PIEZO1: variants seen among roughly 807,000 people sequenced by gnomAD.
PIEZO1 encodes the protein piezo type mechanosensitive ion channel component 1 (Er blood group).
Under a neutral mutation model 297.2 loss-of-function variants are expected in PIEZO1, and 296 were observed. That is an observed-to-expected ratio of 1.00 (90% CI 0.91 to 1.10). The LOEUF is 1.10. Ranked by LOEUF, PIEZO1 falls within the 50% of genes least tolerant of loss-of-function variation. The pLI is 0.00. For synonymous variants in PIEZO1, 2,427 were observed against 1,507.5 expected (o/e 1.61, Z -14.13); for missense variants, 5,018 against 3,455.5 (o/e 1.45, Z -11.34).
At chr16:88,737,516 C>CG in intron 10 of PIEZO1, 43 bp downstream of exon 10, 1 of 1,289,000 alleles carries the variant, frequency 7.8e-7, no homozygotes, top group South Asian at 1.3e-5. Flanking sequence ...GCCTCCGCCC[C>CG]GCCCCCCGCA....
chr16:88,758,858 T>C (rs1178546742), intron 1 of PIEZO1, among the ~76,000 whole-genome samples: 1 of 152,202 alleles, frequency 6.6e-6, no homozygotes, highest in Non-Finnish European at 1.5e-5. Context: ...AGAGCAAACA[T>C]GCACCAATCC....
In PIEZO1 at chr16:88,725,735, A is replaced by G. The variant is rs904262819; in HGVS notation, c.3969-51T>C. 9.4e-6 allele frequency: 9 copies of G among 961,014 alleles called. No individual in the cohort carries two copies. The African/African-American group carries it at 1.1e-4, about 12-fold the overall frequency. The allele number at this position is 961,014 out of a possible 1,614,324, so 59.5% of individuals were successfully genotyped here. A position where few individuals can be genotyped will look rare whatever the true frequency, so the allele number is the denominator to read the frequency against. ...GAGCACCAGGCACTCGACCCCAGCA[A>G]CATGGGCAGCCGCCGCTCCCCGCTC... On this transcript the variant is annotated intron_variant, in intron 27 of 50. Coordinates refer to ENST00000301015, the MANE Select transcript of PIEZO1 (RefSeq NM_001142864.4).
chr16:88,742,778 G>A (rs568920556), intron 2 of PIEZO1: 35 of 344,938 alleles, frequency 1.0e-4, no homozygotes, highest in South Asian at 4.7e-4. Context: ...ATAGACACAA[G>A]GAGAGGCAAG....
At chr16:88,756,698 G>C (rs1480208175) in intron 1 of PIEZO1, among the ~76,000 whole-genome samples, 1 of 151,896 alleles carries the variant, frequency 6.6e-6, no homozygotes, top group Non-Finnish European at 1.5e-5. Flanking sequence ...AACCTGGGAG[G>C]TGGAGGTTGC....
chr16:88,721,493 G>C (rs1912449531), intron 38 of PIEZO1, 45 bp downstream of exon 38: 1 of 1,538,960 alleles, frequency 6.5e-7, no homozygotes, highest in African/African-American at 1.4e-5. Flanking sequence ...CAGGTGCCCA[G>C]AGGGCCTGCC....
At chr16:88,757,319 C>CGGGGG (rs1221139366) in intron 1 of PIEZO1, among the ~76,000 whole-genome samples, 8 of 10,162 alleles carry the variant, frequency 7.9e-4, no homozygotes, top group South Asian at 2.9e-3. Context: ...GCGTTGCTGG[C>CGGGGG]GGGGGGGTGG....
chr16:88,726,789 G>A lies in PIEZO1; in HGVS notation c.3625C>T (p.Arg1209Trp), dbSNP rs750479923. 136 of 1,550,140 alleles carry A rather than the reference G, an allele frequency of 8.8e-5. No individual in the cohort carries two copies. Among genetic ancestry groups the A allele is most frequent in the Middle Eastern group, 1.7e-4 (1 of 6,014 alleles). The change falls in exon 25 of 51, where the codon CGG (arginine) becomes TGG (tryptophan). Residue 1209 changes from arginine to tryptophan, a missense_variant. Coordinates refer to ENST00000301015, the MANE Select transcript of PIEZO1 (RefSeq NM_001142864.4). ...FGTALLQRDT[R>W]ARLVLWDCLI... is the part of the protein sequence containing the mutation. ...CAGTCCCACAGCACGAGGCGGGCCC[G>A]TGTGTCCCTCTGCAGCAGGGCCGTG... is the stretch of plus-strand genomic sequence containing the variant.
In PIEZO1 at chr16:88,737,624, T is replaced by TCGGGTGCTGTGGGCAC. The variant is rs2142831616; in HGVS notation, c.1114_1129dup (p.Asp377GlyfsTer10). On this transcript the variant is annotated frameshift_variant, in exon 10 of 51. Transcript: ENST00000301015. LOFTEE classifies it high-confidence loss of function. Reference sequence around the variant, plus strand: ...CACGATGCAGTTATCAGCCTCGGTGTCGGGTGCTGTGGGCACCACGTGCTG... The same window carrying TCGGGTGCTGTGGGCAC: ...CACGATGCAGTTATCAGCCTCGGTGTCGGGTGCTGTGGGCACCGGGTGCTGTGGGCACCACGTGCTG... 6.5e-7 allele frequency: 1 copy of TCGGGTGCTGTGGGCAC among 1,534,876 alleles called. No homozygotes were observed. Among genetic ancestry groups the TCGGGTGCTGTGGGCAC allele is most frequent in the Non-Finnish European group, 8.7e-7 (1 of 1,146,536 alleles).
chr16:88,734,911 G>A lies in PIEZO1; in HGVS notation c.1812C>T (p.Tyr604=). The A allele has an allele frequency of 1.9e-6, 3 of 1,550,410 alleles. No homozygotes were observed. Among genetic ancestry groups the A allele is most frequent in the Non-Finnish European group, 2.6e-6 (3 of 1,146,966 alleles). The change falls in exon 14 of 51, where the codon TAC becomes TAT. Residue 604 remains tyrosine, a synonymous_variant. Transcript: ENST00000301015. ...TGAGGCAGAGCAGGAAGAGGAACAT[G>A]TAGACAATCTTGTAGACCACGAGGC... ...AGRLVVYKIV[Y]MFLFLLCLTL... is the part of the protein sequence containing the mutation.
Position 88,723,315 on chromosome 16 carries a change from G to A in PIEZO1, c.4349C>T (p.Ala1450Val), listed in dbSNP as rs924179143. 43 of 1,538,524 alleles carry A rather than the reference G, an allele frequency of 2.8e-5. No homozygotes were observed. The highest frequency in any genetic ancestry group is 3.7e-5 in the Non-Finnish European group (42 of 1,146,722). Residue 1450 changes from alanine to valine, a missense_variant, in exon 32 of 51, where the codon GCA becomes GTA. By Grantham distance (64) the Ala-to-Val change is moderately conservative. Transcript: ENST00000301015. ...CACCGCCTGGGCGTTGGTCACCCATGCCTGGTACGCCAGCTGTCGGCCAGC... is the reference window on the plus strand; with the variant it reads ...CACCGCCTGGGCGTTGGTCACCCATACCTGGTACGCCAGCTGTCGGCCAGC... ...AQSAFQLAYQ[A>V]WVTNAQAVLR...
intron 1 of PIEZO1, among the ~76,000 whole-genome samples, chr16:88,774,332 G>A (rs371384855): frequency 6.6e-6 from 1 of 152,220 alleles, no homozygotes; most frequent in African/African-American, 2.4e-5. Context: ...CGGAGTTTGC[G>A]ATGAGTCGAG....
Position 88,734,020 on chromosome 16 carries a change from C to T in PIEZO1, c.2215G>A (p.Glu739Lys). 1.3e-6 allele frequency: 2 copies of T among 1,545,674 alleles called. No homozygotes were observed. Among genetic ancestry groups the T allele is most frequent in the Middle Eastern group, 1.7e-4 (1 of 5,964 alleles). Residue 739 changes from glutamate (E) to lysine (K), a missense_variant, in exon 17 of 51, where the codon GAG (glutamate) becomes AAG (lysine). Coordinates refer to ENST00000301015, the MANE Select transcript of PIEZO1 (RefSeq NM_001142864.4). ...TGCTGCTGATGCTCCTGCTGCTCCT[C>T]CCGCAGCAGTGGGGTCCCACTCACT... is the stretch of plus-strand genomic sequence containing the variant. ...DAVSGTPLLR[E>K]EQQEHQQQQQ...
At chr16:88,724,531 C>CAA (rs374217979) in intron 30 of PIEZO1, among the ~76,000 whole-genome samples, 52 of 99,464 alleles carry the variant, frequency 5.2e-4, no homozygotes, top group African/African-American at 1.2e-3. Context: ...ACACCGTCTC[C>CAA]AAAAAAAAAA....
chr16:88,749,049 A>AAC (rs1906229546), intron 2 of PIEZO1, among the ~76,000 whole-genome samples: 2 of 151,426 alleles, frequency 1.3e-5, no homozygotes, highest in Non-Finnish European at 2.9e-5. Flanking sequence ...CATCCTGGCT[A>AAC]TCACGGTGAA....
rs781461643 is a variant in PIEZO1 at position 88,722,268 on chromosome 16, G to A, written c.4905C>T (p.Ala1635=). 7.1e-6 allele frequency: 11 copies of A among 1,548,404 alleles called. No homozygotes were observed. The highest frequency in any genetic ancestry group is 4.9e-5 in the East Asian group (2 of 40,930). Residue 1635 remains alanine (A), a synonymous_variant, in exon 36 of 51, where the codon GCC becomes GCT. Transcript: ENST00000301015. ...VTDPGEREAG[A]SLYQGLMRTA... is the part of the protein sequence containing the mutation. Reference sequence around the variant, plus strand: ...TCCGCATCAGTCCCTGGTACAGAGAGGCACCAGCCTCACGCTCCCCGGGGT... The same window carrying A: ...TCCGCATCAGTCCCTGGTACAGAGAAGCACCAGCCTCACGCTCCCCGGGGT...
intron 19 of PIEZO1, 59 bp downstream of exon 19, chr16:88,733,219 G>A: frequency 2.1e-6 from 3 of 1,453,972 alleles, no homozygotes; most frequent in Non-Finnish European, 9.3e-7. Flanking sequence ...AGGAGGGTCG[G>A]GCTGCGAATA....
In PIEZO1 at chr16:88,755,232, G is replaced by A. The variant is rs144901255; in HGVS notation, c.65-5753C>T. 8.2e-3 allele frequency among the ~76,000 whole-genome samples: 1,242 copies of A among 152,322 alleles called. 16 individuals carry two copies. Among genetic ancestry groups the A allele is most frequent in the African/African-American group, 0.028 (1,181 of 41,578 alleles). On this transcript the variant is annotated intron_variant, in intron 1 of 50. Coordinates refer to ENST00000301015, the MANE Select transcript of PIEZO1 (RefSeq NM_001142864.4). ...CCCCGCCGCCCCCGCCATGTGGCTC[G>A]GGCCTAGCTGGCTGTGGGGACAGAG... is the stretch of plus-strand genomic sequence containing the variant.
At chr16:88,736,832 ACAG>A (rs1360879857) in intron 10 of PIEZO1, 93 bp from the exon 11 acceptor site, 1 of 757,872 alleles carries the variant, frequency 1.3e-6, no homozygotes, top group East Asian at 2.9e-5. Flanking sequence ...GGGCAAGCAC[ACAG>A]CAGGAGAGAC....
Position 88,723,130 on chromosome 16 carries a change from A to C in PIEZO1, c.4460T>G (p.Val1487Gly). 2 of 1,548,790 alleles carry C rather than the reference A, an allele frequency of 1.3e-6. No homozygotes were observed. Among genetic ancestry groups the C allele is most frequent in the Non-Finnish European group, 8.7e-7 (1 of 1,146,752 alleles). The change falls in exon 33 of 51, where the codon GTG becomes GGG. Residue 1487 changes from valine to glycine, a missense_variant. Transcript: ENST00000301015. ...CTCCTCGGGGCCCTCTGCTGGCTCC[A>C]CCTCCTGGCTGGGACCACCTCCTGG... ...LPTGGGPSQE[V>G]EPAEGPEEAA...
Sources: allele counts gnomAD v4.1 joint callset (sites outside exome capture counted in the v4.1 genomes callset), GRCh38; gene constraint gnomAD v4.1.1; transcripts MANE v1.5; gene names NCBI Gene and HGNC (gene_info 2026-07-23, HGNC 2026-07-21).